The following CFAP61 variants were observed in gnomAD, a reference collection of about 807,000 sequenced individuals.
CFAP61 encodes cilia and flagella associated protein 61.
A neutral mutation model predicts 135.6 loss-of-function variants in CFAP61; 107 were observed. The observed-to-expected ratio is 0.79, with a 90% CI of 0.67 to 0.93. CFAP61 has a LOEUF of 0.93. Ranked by LOEUF, CFAP61 falls within the 40% of genes least tolerant of loss-of-function variation. The probability of loss-of-function intolerance (pLI) is 0.00; values close to 1 mark genes in which losing one functional copy is unlikely to be tolerated. For synonymous variants in CFAP61, 575 were observed against 578.5 expected, an observed-to-expected ratio of 0.99 and a Z score of 0.09; for missense variants, 1,507 against 1,556.2, an observed-to-expected ratio of 0.97 and a Z score of 0.53.
At chr20:20,246,520 A>G (rs1377625798) in intron 19 of CFAP61, among the ~76,000 whole-genome samples, 2 of 152,196 alleles carry the variant, frequency 1.3e-5, no homozygotes, top group Non-Finnish European at 2.9e-5. Flanking sequence ...CTACAGGGCA[A>G]TGAAGGTTGG....
chr20:20,147,614 C>A (rs112982324), intron 9 of CFAP61, among the ~76,000 whole-genome samples: 2 of 151,982 alleles, frequency 1.3e-5, no homozygotes, highest in Admixed American at 6.6e-5. Flanking sequence ...CTGATCTGTT[C>A]GAATTCCTTG....
intron 25 of CFAP61, among the ~76,000 whole-genome samples, chr20:20,335,660 A>C (rs1033294224): frequency 2.0e-5 from 3 of 152,202 alleles, no homozygotes; most frequent in Admixed American, 6.5e-5. Flanking sequence ...TCTGATGTCC[A>C]TGGAACCACC....
chr20:20,348,386 T>C (rs2058706596), intron 26 of CFAP61, among the ~76,000 whole-genome samples: 1 of 152,092 alleles, frequency 6.6e-6, no homozygotes, highest in Non-Finnish European at 1.5e-5. Flanking sequence ...TAATACACCA[T>C]TTTAATAGAA....
At chr20:20,243,002 G>T (rs1196322622) in intron 18 of CFAP61, among the ~76,000 whole-genome samples, 1 of 152,182 alleles carries the variant, frequency 6.6e-6, no homozygotes, top group African/African-American at 2.4e-5. Flanking sequence ...GTATTAGTCT[G>T]TTCTCACGCT....
chr20:20,197,824 C>T (rs1387792927), intron 16 of CFAP61, among the ~76,000 whole-genome samples: 1 of 152,154 alleles, frequency 6.6e-6, no homozygotes, highest in Non-Finnish European at 1.5e-5. Context: ...GAAGTTGTCC[C>T]GTAAGATTCC....
intron 25 of CFAP61, among the ~76,000 whole-genome samples, chr20:20,335,238 A>G (rs929675545): frequency 6.6e-6 from 1 of 152,190 alleles, no homozygotes; most frequent in Non-Finnish European, 1.5e-5. Flanking sequence ...AGTGATAAAC[A>G]TGTTCTAGCT....
intron 21 of CFAP61, among the ~76,000 whole-genome samples, chr20:20,274,714 G>A (rs2053613287): frequency 6.6e-6 from 1 of 152,122 alleles, no homozygotes; most frequent in Admixed American, 6.6e-5. Flanking sequence ...GTCAAGAATA[G>A]TAGGCCATCT....
chr20:20,113,580 C>G (rs1324957701), intron 8 of CFAP61, among the ~76,000 whole-genome samples: 1 of 152,196 alleles, frequency 6.6e-6, no homozygotes, highest in Admixed American at 6.5e-5. Flanking sequence ...GGATCTTAGA[C>G]AACTTTACTC....
intron 9 of CFAP61, among the ~76,000 whole-genome samples, chr20:20,157,456 A>G (rs1459460448): frequency 2.0e-5 from 3 of 152,224 alleles, no homozygotes; most frequent in Non-Finnish European, 4.4e-5. Context: ...GAATTAAACA[A>G]CTCAGAAATA....
chr20:20,200,029 C>G (rs2056529900), intron 17 of CFAP61, 127 bp downstream of exon 17: 1 of 1,128,482 alleles, frequency 8.9e-7, no homozygotes, highest in Non-Finnish European at 1.3e-6. Flanking sequence ...TGCTCATACC[C>G]TTACAGGCGG....
chr20:20,244,052 A>G (rs190407912), intron 18 of CFAP61, among the ~76,000 whole-genome samples: 54 of 152,264 alleles, frequency 3.5e-4, no homozygotes, highest in African/African-American at 6.7e-4. Context: ...GTGGGTTCCT[A>G]TGGTCTTGGG....
chr20:20,072,078 C>T (rs1351971927), intron 3 of CFAP61, among the ~76,000 whole-genome samples: 3 of 114,162 alleles, frequency 2.6e-5, no homozygotes, highest in African/African-American at 6.2e-5. Context: ...TATTTGGTAT[C>T]TAATCTAGCA....
At chr20:20,125,760 T>C (rs912462930) in intron 8 of CFAP61, among the ~76,000 whole-genome samples, 2 of 151,684 alleles carry the variant, frequency 1.3e-5, no homozygotes, top group Non-Finnish European at 2.9e-5. Context: ...GTTAAATCCA[T>C]TGCTTCTTTG....
chr20:20,201,166 A>T (rs918808318), intron 17 of CFAP61: 1 of 172,942 alleles, frequency 5.8e-6, no homozygotes, highest in Non-Finnish European at 1.1e-5. Context: ...TTTTATTATT[A>T]GATTTAACAG....
intron 22 of CFAP61, among the ~76,000 whole-genome samples, chr20:20,284,451 A>AT (rs1328253558): frequency 1.3e-5 from 2 of 151,470 alleles, no homozygotes; most frequent in African/African-American, 4.9e-5. Context: ...ACACCCGGCT[A>AT]TTTTTTTGTA....
chr20:20,300,617 TTTTTTGA>T (rs2056013337), intron 25 of CFAP61, among the ~76,000 whole-genome samples: 1 of 151,798 alleles, frequency 6.6e-6, no homozygotes, highest in Admixed American at 6.6e-5. Context: ...GTTTTTTTTT[TTTTTTGA>T]GATGGAGTCT....
intron 6 of CFAP61, 131 bp downstream of exon 6, chr20:20,075,746 C>T: frequency 1.1e-6 from 1 of 894,424 alleles, no homozygotes; most frequent in Non-Finnish European, 1.7e-6. Context: ...ATAAGCATTA[C>T]TTCATTTGGA....
intron 25 of CFAP61, among the ~76,000 whole-genome samples, chr20:20,340,142 G>T (rs552465913): frequency 6.6e-6 from 1 of 152,354 alleles, no homozygotes; most frequent in African/African-American, 2.4e-5. Context: ...TGGGCACCTG[G>T]AGTGCACAGC....
chr20:20,056,373 C>G (rs2044336804), intron 1 of CFAP61, among the ~76,000 whole-genome samples: 1 of 152,178 alleles, frequency 6.6e-6, no homozygotes, highest in African/African-American at 2.4e-5. Flanking sequence ...TTTTTTAAAG[C>G]AGCTTTGTTG....
Sources: gnomAD v4.1 joint callset for allele counts (sites outside exome capture counted in the v4.1 genomes callset) on GRCh38, gnomAD v4.1.1 for gene constraint, MANE v1.5 for transcripts, NCBI Gene and HGNC (gene_info 2026-07-23, HGNC 2026-07-21) for gene names.